NACC1: variants seen among roughly 807,000 people sequenced by gnomAD.
NACC1 encodes the protein nucleus accumbens-associated protein 1.
In NACC1, 6 loss-of-function variants were observed where a neutral mutation model predicts 41.7. That is an observed-to-expected ratio of 0.14 (90% CI 0.08 to 0.28). NACC1 has a LOEUF of 0.28. Ranked by LOEUF, NACC1 falls within the 10% of genes least tolerant of loss-of-function variation. NACC1 has a pLI of 1.00. For synonymous variants in NACC1, 338 were observed against 330.6 expected (o/e 1.02, Z -0.24); for missense variants, 434 against 763.7 (o/e 0.57, Z 5.09).
Position 13,132,408 on chromosome 19 carries a change from TAA to T in NACC1, c.-8-2771_-8-2770del, listed in dbSNP as rs34652828. The T allele has an allele frequency of 9.7e-3, 1,110 of 114,630 alleles. 13 individuals carry two copies. The highest frequency in any genetic ancestry group is 0.034 in the African/African-American group (1,027 of 30,348). The allele number at this position is 114,630 out of a possible 1,614,324, so 7.1% of individuals were successfully genotyped here. Reference sequence around the variant, plus strand: ...TGGGTAACAGAGCAAGACTCTGTCTTAAAAAAAAAAAAAAAAAAAAAAGTGCT... The same window carrying T: ...TGGGTAACAGAGCAAGACTCTGTCTTAAAAAAAAAAAAAAAAAAAAGTGCT... On this transcript the variant is annotated intron_variant, in intron 1 of 5. Coordinates refer to ENST00000292431, the MANE Select transcript of NACC1 (RefSeq NM_052876.4).
chr19:13,128,410 A>G (rs1279531211), intron 1 of NACC1, among the ~76,000 whole-genome samples: 3 of 152,150 alleles, frequency 2.0e-5, no homozygotes, highest in African/African-American at 7.2e-5. Context: ...TGCCTTCTTA[A>G]TACCACCGTT....
chr19:13,123,800 C>T (rs1261468968), intron 1 of NACC1, among the ~76,000 whole-genome samples: 1 of 152,184 alleles, frequency 6.6e-6, no homozygotes, highest in Non-Finnish European at 1.5e-5. Context: ...CACATTTTTG[C>T]CTGATTCGGG....
chr19:13,126,048 CTT>C (rs79360796), intron 1 of NACC1, among the ~76,000 whole-genome samples: 7 of 140,950 alleles, frequency 5.0e-5, no homozygotes, highest in Admixed American at 7.1e-5. Context: ...AAAGGCCTAA[CTT>C]TTTTTTTTTT....
Position 13,125,573 on chromosome 19 carries a change from A to T in NACC1, c.-9+7119A>T, listed in dbSNP as rs560321118. Among the ~76,000 whole-genome samples the T allele has an allele frequency of 2.6e-5, 4 of 152,014 alleles. No individual in the cohort carries two copies. The East Asian group carries it at 7.8e-4, about 29-fold the overall frequency. The stretch of plus-strand genomic sequence containing the variant: ...GTAGCTGGGATTACAGGCATGTGTC[A>T]GCATGCCAGGCTAATTTTGTATTTT... On this transcript the variant is annotated intron_variant, in intron 1 of 5. Transcript: ENST00000292431.
chr19:13,129,233 G>A (rs1029965440), intron 1 of NACC1, among the ~76,000 whole-genome samples: 25 of 152,112 alleles, frequency 1.6e-4, no homozygotes, highest in Non-Finnish European at 1.8e-4. Flanking sequence ...ATTTGGTGGG[G>A]ACTAGAACCA....
In NACC1 at chr19:13,135,776, A is replaced by C. The variant is rs920963595; in HGVS notation, c.569A>C (p.Gln190Pro). ...PVAKRLWDSGQKEAGGGGNGS... is the reference protein window; with the variant it reads ...PVAKRLWDSGPKEAGGGGNGS... ...GCCAAGCGGCTGTGGGACAGTGGCC[A>C]GAAGGAGGCTGGGGGCGGCGGCAAT... Residue 190 changes from glutamine to proline, a missense_variant, in exon 2 of 6, where the codon CAG (glutamine) becomes CCG (proline). By Grantham distance (76) the Gln-to-Pro change is moderately conservative. Around this residue, in one of 4 missense-constraint regions of NACC1, gnomAD observed 234 missense variants for 308.3 expected, o/e 0.76. Transcript: ENST00000292431. The C allele has an allele frequency of 1.3e-6, 2 of 1,559,754 alleles. No homozygotes were observed. The highest frequency in any genetic ancestry group is 2.7e-5 in the African/African-American group (2 of 74,128).
intron 1 of NACC1, among the ~76,000 whole-genome samples, chr19:13,130,040 G>GGT (rs1206252155): frequency 6.6e-6 from 1 of 152,012 alleles, no homozygotes. Context: ...GGTTGGTTTT[G>GGT]GTGGGGTAGT....
intron 1 of NACC1, among the ~76,000 whole-genome samples, chr19:13,128,593 C>T (rs530334442): frequency 6.6e-6 from 1 of 152,228 alleles, no homozygotes; most frequent in Admixed American, 6.5e-5. Context: ...GGGCCACACT[C>T]CCCATCCACT....
rs202137137 is a variant in NACC1, at chr19:13,135,193, C to G, written c.-8-7C>G. On this transcript the variant is annotated splice_region_variant and splice_polypyrimidine_tract_variant and intron_variant, in intron 1 of 5. Transcript: ENST00000292431. ...TGTCTCTCCATTCCTCCCTGCCCCT[C>G]GTGCAGCCGCTGCCATGGCCCAGAC... 9 of 1,566,992 alleles carry G rather than the reference C, an allele frequency of 5.7e-6. No individual in the cohort carries two copies. Among genetic ancestry groups the G allele is most frequent in the Non-Finnish European group, 8.7e-7 (1 of 1,155,426 alleles).
chr19:13,127,371 CTTTTTTTT>C (rs147514422), intron 1 of NACC1, among the ~76,000 whole-genome samples: 7 of 28,516 alleles, frequency 2.5e-4, no homozygotes, highest in Admixed American at 6.3e-4. Context: ...TATACATATA[CTTTTTTTT>C]TTTTTTTTTT....
At chr19:13,122,531 G>GC (rs1188271534) in intron 1 of NACC1, among the ~76,000 whole-genome samples, 1 of 150,902 alleles carries the variant, frequency 6.6e-6, no homozygotes, top group Non-Finnish European at 1.5e-5. Flanking sequence ...GCCGGGGGGG[G>GC]GGGGGTGTGC....
upstream of NACC1, chr19:13,118,101 C>T (rs2019418097): frequency 6.6e-6 from 1 of 152,082 alleles, no homozygotes. Context: ...TGGCGAGGAT[C>T]CCCCAGGGGC....
At chr19:13,133,294 G>T (rs79858766) in intron 1 of NACC1, among the ~76,000 whole-genome samples, 1 of 151,780 alleles carries the variant, frequency 6.6e-6, no homozygotes, top group African/African-American at 2.4e-5. Context: ...GAGGCCGGGC[G>T]TGATAGCTCA....
At position 13,136,754 on chromosome 19, in the gene NACC1, G is replaced by A. The variant is rs1398531827; in HGVS notation, c.1120+349G>A. On this transcript the variant is annotated intron_variant, in intron 3 of 5. Coordinates refer to ENST00000292431, the MANE Select transcript of NACC1 (RefSeq NM_052876.4). This position sits in a 1 kb window ranked among gnomAD's most constrained non-coding sequence, Gnocchi z 5.5. ...GAATGCCTGTAGTCCTAGCTACTCA[G>A]GAGGCTGAGGTGGGAGGATCCCTTG... Among the ~76,000 whole-genome samples the A allele has an allele frequency of 1.3e-5, 2 of 152,322 alleles. No homozygotes were observed. Among genetic ancestry groups the A allele is most frequent in the East Asian group, 3.9e-4 (2 of 5,184 alleles).
chr19:13,138,765 C>T lies in NACC1; in HGVS notation c.*359C>T, dbSNP rs980614837. ...CCCCTCCCCAGGCCCTAGGCCACCT[C>T]GCGGAAGCCTTCAGCCTCCGCCCCT... On this transcript the variant is annotated 3_prime_UTR_variant, in exon 6 of 6. Transcript: ENST00000292431. The surrounding 1 kb of genome is among the most constrained non-coding windows in gnomAD (Gnocchi z 5.7). The T allele has an allele frequency of 1.1e-5, 3 of 280,536 alleles. No homozygotes were observed. Among genetic ancestry groups the T allele is most frequent in the East Asian group, 1.6e-4 (2 of 12,538 alleles). The allele number at this position is 280,536 out of a possible 1,614,324, so 17.4% of individuals were successfully genotyped here. A position where few individuals can be genotyped will look rare whatever the true frequency, so the allele number is the denominator to read the frequency against.
In NACC1 at chr19:13,136,202, T is replaced by G. The variant is rs371748188; in HGVS notation, c.947-30T>G. On this transcript the variant is annotated intron_variant, in intron 2 of 5. Coordinates refer to ENST00000292431, the MANE Select transcript of NACC1 (RefSeq NM_052876.4). The surrounding 1 kb of genome is among the most constrained non-coding windows in gnomAD (Gnocchi z 5.5). Reference sequence around the variant, plus strand: ...TCCCACCAGCCACCCCTGCTCCTCCTGCCACTCGCGTGCCACTCTCTCCCT... The same window carrying G: ...TCCCACCAGCCACCCCTGCTCCTCCGGCCACTCGCGTGCCACTCTCTCCCT... The G allele has an allele frequency of 1.2e-6, 2 of 1,605,392 alleles. No individual in the cohort carries two copies. The highest frequency in any genetic ancestry group is 2.7e-5 in the African/African-American group (2 of 74,840).
At chr19:13,132,668 G>T (rs139221159) in intron 1 of NACC1, among the ~76,000 whole-genome samples, 7 of 152,280 alleles carry the variant, frequency 4.6e-5, no homozygotes, top group Non-Finnish European at 7.3e-5. Context: ...GTAAGGGGCA[G>T]GGCCTGTGTC....
chr19:13,125,791 G>A (rs1599986256), intron 1 of NACC1, among the ~76,000 whole-genome samples: 1 of 152,092 alleles, frequency 6.6e-6, no homozygotes, highest in East Asian at 1.9e-4. Context: ...CCAGCCTAGA[G>A]TGCAGTGGCG....
rs1391326509 is a variant in NACC1 at position 13,136,602 on chromosome 19, T to C, written c.1120+197T>C. Reference sequence around the variant, plus strand: ...TACAGCAAGGCCTGGCCTCTAGGTTTCTGGCTTAAGGGGTCGGGGCGAGCA... The same window carrying C: ...TACAGCAAGGCCTGGCCTCTAGGTTCCTGGCTTAAGGGGTCGGGGCGAGCA... On this transcript the variant is annotated intron_variant, in intron 3 of 5. Coordinates refer to ENST00000292431, the MANE Select transcript of NACC1 (RefSeq NM_052876.4). The surrounding 1 kb of genome is among the most constrained non-coding windows in gnomAD (Gnocchi z 5.5). Among the ~76,000 whole-genome samples, 1 of 152,190 alleles carries C rather than the reference T, an allele frequency of 6.6e-6. No homozygotes were observed. Among genetic ancestry groups the C allele is most frequent in the Non-Finnish European group, 1.5e-5 (1 of 68,036 alleles).
Sources: gnomAD v4.1 joint callset for allele counts (sites outside exome capture counted in the v4.1 genomes callset) on GRCh38, gnomAD v4.1.1 for gene constraint, gnomAD v4.1.1 regional missense constraint, Gnocchi (gnomAD v3.1) non-coding constraint, MANE v1.5 for transcripts, NCBI Gene and HGNC (gene_info 2026-07-23, HGNC 2026-07-21) for gene names.